HEATR4: variants seen among roughly 807,000 people sequenced by gnomAD.
The protein encoded by HEATR4 is HEAT repeat containing 4, also known as HEAT repeat-containing protein 4.
HEATR4 carries 95 observed loss-of-function variants against 108.8 expected under a neutral mutation model. That is an observed-to-expected ratio of 0.87 (90% CI 0.74 to 1.04). The LOEUF (loss-of-function observed/expected upper bound fraction) is 1.04. Among genes scored for constraint, HEATR4 ranks in the 50% least tolerant of loss-of-function variants. HEATR4 has a pLI of 0.00. For missense variants in HEATR4, 1,152 were observed against 1,253.8 expected (o/e 0.92, Z 1.23); for synonymous variants, 443 against 459.4 (o/e 0.96, Z 0.46).
the HEATR4 span, among the ~76,000 whole-genome samples, chr14:73,578,636 TC>T: frequency 1.3e-5 from 2 of 151,960 alleles, no homozygotes; most frequent in African/African-American, 4.8e-5. Context: ...ACTAACATGC[TC>T]CATAATGATT....
At chr14:73,569,176 C>A in the HEATR4 span, 1 of 1,573,498 alleles carries the variant, frequency 6.4e-7, no homozygotes, top group Non-Finnish European at 8.7e-7. Context: ...TCTGGCCTTC[C>A]CCGCTCACGT....
intron 12 of HEATR4, 75 bp downstream of exon 12, chr14:73,500,475 A>G (rs528224338): frequency 4.9e-6 from 7 of 1,431,176 alleles, no homozygotes; most frequent in South Asian, 2.6e-5. Context: ...TGTTGAGCAT[A>G]CTGTGCACAA....
chr14:73,478,758 C>CA lies in HEATR4; in HGVS notation c.2928dup (p.Val977CysfsTer18). ...TCGGGGGAGGTGCGTAGATCTTTGA[C>CA]AAGTGATGAACGAACTTTGCTTCGT... is the stretch of plus-strand genomic sequence containing the variant. On this transcript the variant is annotated frameshift_variant, in exon 18 of 18. Transcript: ENST00000553558. LOFTEE classifies it high-confidence loss of function. The CA allele has an allele frequency of 6.2e-7, 1 of 1,613,942 alleles. No homozygotes were observed. Among genetic ancestry groups the CA allele is most frequent in the South Asian group, 1.1e-5 (1 of 91,054 alleles).
chr14:73,561,762 T>C (rs1465277231), upstream of HEATR4, among the ~76,000 whole-genome samples: 2 of 152,002 alleles, frequency 1.3e-5, no homozygotes, highest in South Asian at 4.1e-4. Context: ...GGTAGGAAGA[T>C]TGCTTGAATG....
chr14:73,609,527 T>A, the HEATR4 span, among the ~76,000 whole-genome samples: 1 of 151,996 alleles, frequency 6.6e-6, no homozygotes, highest in Non-Finnish European at 1.5e-5. Flanking sequence ...GAGTCAGTGC[T>A]CATGAAAAAA....
At position 73,492,583 on chromosome 14, in the gene HEATR4, TG is replaced by T; in HGVS notation, c.2844+482del. ...TGACTGATAGGGAGAGGGCACTAAG[TG>T]TTTACGGGCTTCCAATTCGCTGGGA... On this transcript the variant is annotated intron_variant, in intron 17 of 17. Coordinates refer to ENST00000553558, the MANE Select transcript of HEATR4 (RefSeq NM_001220484.1). This position sits in a 1 kb window ranked among gnomAD's most constrained non-coding sequence, Gnocchi z 4.9. 1 of 1,613,906 alleles carries T rather than the reference TG, an allele frequency of 6.2e-7. No individual in the cohort carries two copies. Among genetic ancestry groups the T allele is most frequent in the Non-Finnish European group, 8.5e-7 (1 of 1,179,854 alleles).
At chr14:73,491,074 G>A (rs1885686896) in intron 17 of HEATR4, 2 of 1,597,008 alleles carry the variant, frequency 1.3e-6, no homozygotes, top group East Asian at 2.3e-5. Flanking sequence ...CGAAGCGCCG[G>A]CGCAAGCCCC....
In HEATR4 at chr14:73,492,019, G is replaced by C. The variant is rs201606461; in HGVS notation, c.2844+1047C>G. The C allele has an allele frequency of 1.9e-6, 3 of 1,613,794 alleles. No homozygotes were observed. The Admixed American group carries it at 5.0e-5, about 27-fold the overall frequency. ...ACGTTTACCTCACGCCCCCTAACTC[G>C]CAGGGCTTTGCCCCCCACTACGACG... On this transcript the variant is annotated intron_variant, in intron 17 of 17. Transcript: ENST00000553558. The surrounding 1 kb of genome is among the most constrained non-coding windows in gnomAD (Gnocchi z 4.9).
chr14:73,515,476 T>G (rs925363659), intron 5 of HEATR4, among the ~76,000 whole-genome samples: 4 of 151,836 alleles, frequency 2.6e-5, no homozygotes, highest in Admixed American at 2.6e-4. Flanking sequence ...GGTCACAAGT[T>G]CGAGACCAGC....
chr14:73,571,608 G>C, the HEATR4 span: 1 of 150,976 alleles, frequency 6.6e-6, no homozygotes, highest in Admixed American at 6.6e-5. Flanking sequence ...AGCTCCCTGA[G>C]AAGGGGCGGC....
In HEATR4 at chr14:73,521,020, G is replaced by T. The variant is rs765798568; in HGVS notation, c.901C>A (p.Gln301Lys). 6 of 1,613,608 alleles carry T rather than the reference G, an allele frequency of 3.7e-6. No individual in the cohort carries two copies. The highest frequency in any genetic ancestry group is 4.5e-5 in the East Asian group (2 of 44,824). The change falls in exon 4 of 18, where the codon CAA becomes AAA. Residue 301 changes from glutamine (Q) to lysine (K), a missense_variant. Gln to Lys is a moderately conservative substitution (Grantham distance 53). Transcript: ENST00000553558. The stretch of plus-strand genomic sequence containing the variant: ...GGCATGATCTCAACTGTCTCTGCTT[G>T]TTGGAAGTAACTGGGCAATCTTGGC... ...VYYRLPSYFQ[Q>K]AETVEIMPGN... is the part of the protein sequence containing the mutation.
At chr14:73,524,310 A>AAAAAAAAAATAT in intron 2 of HEATR4, among the ~76,000 whole-genome samples, 12 of 54,776 alleles carry the variant, frequency 2.2e-4, no homozygotes, top group Non-Finnish European at 2.8e-4. Flanking sequence ...AAAAAAAAAA[A>AAAAAAAAAATAT]ATATATATAT....
At chr14:73,509,809 CCCATATATATATATATATATATAT>C (rs1416628001) in intron 7 of HEATR4, among the ~76,000 whole-genome samples, 10 of 5,192 alleles carry the variant, frequency 1.9e-3, no homozygotes, top group African/African-American at 3.0e-3. Context: ...GCCCCATGAG[CCCATATATATATATATATATATAT>C]ATATATATAT....
intron 16 of HEATR4, among the ~76,000 whole-genome samples, chr14:73,493,708 C>T (rs970901665): frequency 2.0e-5 from 3 of 152,090 alleles, no homozygotes; most frequent in Non-Finnish European, 2.9e-5. Context: ...CATAGTGGTG[C>T]GTGCCTGTAA....
In HEATR4 at chr14:73,492,611, G is replaced by T. The variant is rs1885850447; in HGVS notation, c.2844+455C>A. 1.9e-6 allele frequency: 3 copies of T among 1,613,802 alleles called. No individual in the cohort carries two copies. The highest frequency in any genetic ancestry group is 1.7e-5 in the Admixed American group (1 of 59,972). ...TTACGGGCTTCCAATTCGCTGGGAGGCTGGAGAACCTGTAAACGTGGGGGC... is the reference window on the plus strand; with the variant it reads ...TTACGGGCTTCCAATTCGCTGGGAGTCTGGAGAACCTGTAAACGTGGGGGC... On this transcript the variant is annotated intron_variant, in intron 17 of 17. Transcript: ENST00000553558. The surrounding 1 kb of genome is among the most constrained non-coding windows in gnomAD (Gnocchi z 4.9).
chr14:73,579,687 G>A, the HEATR4 span, among the ~76,000 whole-genome samples: 1 of 151,674 alleles, frequency 6.6e-6, no homozygotes, highest in East Asian at 1.9e-4. Context: ...CCAAAGTGCT[G>A]GGATTACAGG....
chr14:73,581,442 G>GATGTGTGTGTGTGTGTCTGTGT, the HEATR4 span: 1 of 151,696 alleles, frequency 6.6e-6, no homozygotes, highest in Non-Finnish European at 1.5e-5. Context: ...AATGCCTCGT[G>GATGTGTGTGTGTGTGTCTGTGT]ATGTGTGTGT....
chr14:73,560,453 G>A (rs569004366), upstream of HEATR4, among the ~76,000 whole-genome samples: 2 of 152,064 alleles, frequency 1.3e-5, no homozygotes, highest in East Asian at 1.9e-4. Context: ...ACGAGGTCAG[G>A]AGATTTAAAC....
chr14:73,509,846 ATATATATATATATATATATATATT>A (rs1566832237), intron 7 of HEATR4, among the ~76,000 whole-genome samples: 700 of 65,526 alleles, frequency 0.011, 39 homozygotes, highest in African/African-American at 0.035. Flanking sequence ...ATATATATAT[ATATATATATATATATATATATATT>A]TATTTATTTT....
Sources: gnomAD v4.1 joint callset for allele counts (sites outside exome capture counted in the v4.1 genomes callset) on GRCh38, gnomAD v4.1.1 for gene constraint, Gnocchi (gnomAD v3.1) non-coding constraint, MANE v1.5 for transcripts, NCBI Gene and HGNC (gene_info 2026-07-23, HGNC 2026-07-21) for gene names.